The following ST3GAL3 variants were observed in gnomAD, a reference collection of about 807,000 sequenced individuals.
ST3GAL3 encodes ST3 beta-galactoside alpha-2,3-sialyltransferase 3.
In ST3GAL3, 21 loss-of-function variants were observed where a neutral mutation model predicts 50.1. The observed-to-expected ratio is 0.42, with a 90% confidence interval of 0.30 to 0.60. ST3GAL3 has a LOEUF of 0.60. ST3GAL3 is among the 20% of genes least tolerant of loss of function. The pLI is 0.19. For synonymous variants in ST3GAL3, 183 were observed against 190.0 expected (o/e 0.96, Z 0.30); for missense variants, 353 against 489.4 (o/e 0.72, Z 2.63).
At chr1:43,812,529 AC>A (rs2060682646) in intron 3 of ST3GAL3, among the ~76,000 whole-genome samples, 1 of 152,230 alleles carries the variant, frequency 6.6e-6, no homozygotes, top group Non-Finnish European at 1.5e-5. Context: ...TGGCGTGATC[AC>A]AGCTCACTGC....
intron 5 of ST3GAL3, among the ~76,000 whole-genome samples, chr1:43,893,081 A>G (rs769802402): frequency 6.6e-6 from 1 of 152,186 alleles, no homozygotes; most frequent in African/African-American, 2.4e-5. Context: ...GCAGGATTCC[A>G]AGTTTTCTGC....
At chr1:43,907,688 C>T (rs1478156010) in intron 9 of ST3GAL3, among the ~76,000 whole-genome samples, 1 of 152,184 alleles carries the variant, frequency 6.6e-6, no homozygotes, top group East Asian at 1.9e-4. Context: ...ATGGTCAGTT[C>T]TCTCCTGTCC....
chr1:43,794,495 C>T (rs1168713108), intron 3 of ST3GAL3, among the ~76,000 whole-genome samples: 3 of 152,186 alleles, frequency 2.0e-5, no homozygotes, highest in Non-Finnish European at 2.9e-5. Flanking sequence ...GTGGAATAAA[C>T]TGTGGCAGTA....
At position 43,913,612 on chromosome 1, in the gene ST3GAL3, C is replaced by A. The variant is rs115096085; in HGVS notation, c.745-6792C>A. 160 of 152,164 alleles carry A rather than the reference C, an allele frequency of 1.1e-3. 2 individuals are homozygous for A. The highest frequency in any genetic ancestry group is 3.6e-3 in the African/African-American group (151 of 41,510). 9.4% of individuals were successfully genotyped at this position (152,164 alleles called of 1,614,324 possible). A position where few individuals can be genotyped will look rare whatever the true frequency, so the allele number is the denominator to read the frequency against. On this transcript the variant is annotated intron_variant, in intron 9 of 11. Transcript: ENST00000347631. ...TGATATTTTTGTGGCTGGGGAAACA[C>A]GGAAATGCCCAAACCATATCTTGGT...
intron 2 of ST3GAL3, among the ~76,000 whole-genome samples, chr1:43,748,781 T>C (rs375960068): frequency 6.6e-5 from 10 of 152,234 alleles, no homozygotes; most frequent in East Asian, 1.9e-4. Context: ...GTTGCCCAGG[T>C]TGGTCTTGAA....
intron 2 of ST3GAL3, among the ~76,000 whole-genome samples, chr1:43,750,869 G>A (rs1217840394): frequency 2.0e-5 from 3 of 151,120 alleles, no homozygotes; most frequent in Non-Finnish European, 4.4e-5. Context: ...AAGTGAGTGA[G>A]ACTTTGTCTC....
intron 5 of ST3GAL3, among the ~76,000 whole-genome samples, chr1:43,889,230 A>G (rs1218973547): frequency 2.6e-5 from 4 of 151,948 alleles, no homozygotes; most frequent in Non-Finnish European, 5.9e-5. Context: ...ACACACACAC[A>G]CACGTTTCAT....
At chr1:43,749,330 C>T (rs1685116769) in intron 2 of ST3GAL3, among the ~76,000 whole-genome samples, 1 of 152,224 alleles carries the variant, frequency 6.6e-6, no homozygotes, top group Non-Finnish European at 1.5e-5. Context: ...GAGATTCTTT[C>T]TGCTCTTCAA....
intron 4 of ST3GAL3, among the ~76,000 whole-genome samples, chr1:43,817,639 CTT>C (rs760606227): frequency 3.0e-5 from 4 of 132,920 alleles, no homozygotes; most frequent in African/African-American, 6.2e-5. Flanking sequence ...TCTCCTCCTC[CTT>C]CTCCTCCTCC....
chr1:43,877,498 A>G (rs1042941859), intron 5 of ST3GAL3, among the ~76,000 whole-genome samples: 1 of 152,170 alleles, frequency 6.6e-6, no homozygotes, highest in Admixed American at 6.5e-5. Flanking sequence ...ATTGAAGAAA[A>G]GACAGATGGA....
intron 2 of ST3GAL3, among the ~76,000 whole-genome samples, chr1:43,785,847 G>C (rs944500445): frequency 3.3e-5 from 5 of 152,108 alleles, no homozygotes; most frequent in African/African-American, 1.2e-4. Context: ...TGGGCCAGTT[G>C]TCAGTGGCCA....
At chr1:43,766,919 C>A (rs1484383081) in intron 2 of ST3GAL3, among the ~76,000 whole-genome samples, 1 of 152,090 alleles carries the variant, frequency 6.6e-6, no homozygotes, top group Non-Finnish European at 1.5e-5. Flanking sequence ...ATGAGAAGTG[C>A]ATTCTAGGCA....
intron 2 of ST3GAL3, among the ~76,000 whole-genome samples, chr1:43,781,651 G>A (rs1206657735): frequency 6.6e-6 from 1 of 151,458 alleles, no homozygotes; most frequent in Non-Finnish European, 1.5e-5. Context: ...GGGTTGCTAA[G>A]CAAAACAAAA....
chr1:43,817,346 C>CCTTCTT (rs942799455), intron 4 of ST3GAL3, among the ~76,000 whole-genome samples: 2 of 150,236 alleles, frequency 1.3e-5, no homozygotes, highest in African/African-American at 5.0e-5. Context: ...CTTCCTTCTT[C>CCTTCTT]CTTCTTCTTC....
At chr1:43,780,830 C>CAA (rs1167703833) in intron 2 of ST3GAL3, among the ~76,000 whole-genome samples, 1 of 151,922 alleles carries the variant, frequency 6.6e-6, no homozygotes, top group East Asian at 1.9e-4. Context: ...AGTTTTCATC[C>CAA]CCCTGAGTCT....
At chr1:43,879,373 A>G (rs2074699994) in intron 5 of ST3GAL3, 2 of 456,088 alleles carry the variant, frequency 4.4e-6, no homozygotes, top group African/African-American at 2.0e-5. Context: ...TTGGCATGGT[A>G]TGGTTGATGA....
At chr1:43,796,523 CT>C (rs1206023020) in intron 3 of ST3GAL3, among the ~76,000 whole-genome samples, 7 of 152,334 alleles carry the variant, frequency 4.6e-5, no homozygotes, top group Admixed American at 4.6e-4. Flanking sequence ...ACAGAGGACT[CT>C]TCTGAACAGG....
chr1:43,892,965 C>A (rs1389595006), intron 5 of ST3GAL3, among the ~76,000 whole-genome samples: 1 of 152,140 alleles, frequency 6.6e-6, no homozygotes, highest in Non-Finnish European at 1.5e-5. Flanking sequence ...ATATGCATTA[C>A]CCTTTTACAT....
rs2082816912 is a variant in ST3GAL3 at position 43,920,354 on chromosome 1, T to C, written c.745-50T>C. 1.9e-6 allele frequency: 3 copies of C among 1,613,350 alleles called. No individual in the cohort carries two copies. The South Asian group carries it at 3.3e-5, about 18-fold the overall frequency. On this transcript the variant is annotated intron_variant, in intron 9 of 11. Transcript: ENST00000347631. ...TGGGGTCCCTGCCACTCCCCTAGGC[T>C]CATCCCTTGCTGTGTGCCTCGTTGA...
Sources: allele counts gnomAD v4.1 joint callset (sites outside exome capture counted in the v4.1 genomes callset), GRCh38; gene constraint gnomAD v4.1.1; transcripts MANE v1.5; gene names NCBI Gene and HGNC (gene_info 2026-07-23, HGNC 2026-07-21).